Variants in CHLSN observed in about 807,000 individuals in gnomAD.
The protein encoded by CHLSN is cholesin.
At chr7:1,037,301 C>T in the CHLSN span, among the ~76,000 whole-genome samples, 3 of 136,482 alleles carry the variant, frequency 2.2e-5, no homozygotes, top group African/African-American at 5.3e-5. Flanking sequence ...AAGGAAGATG[C>T]GGAGCCGAAG....
chr7:1,095,054 G>GTGGCA, the CHLSN span, among the ~76,000 whole-genome samples: 444 of 152,304 alleles, frequency 2.9e-3, 7 homozygotes, highest in Admixed American at 0.023. Context: ...GCACAGTCCT[G>GTGGCA]CAGAACACCG....
chr7:1,083,638 C>G, the CHLSN span, among the ~76,000 whole-genome samples: 1 of 145,466 alleles, frequency 6.9e-6, no homozygotes, highest in Non-Finnish European at 1.5e-5. Context: ...AAAAAAAAAA[C>G]AAAAAAAACA....
At chr7:1,000,547 C>A in the CHLSN span, 79 of 1,604,524 alleles carry the variant, frequency 4.9e-5, no homozygotes, top group Non-Finnish European at 6.1e-5. Context: ...TGCTTTTGGG[C>A]CCATCTAGGG....
At chr7:1,009,880 G>T in the CHLSN span, 17 of 1,340,306 alleles carry the variant, frequency 1.3e-5, no homozygotes, top group Middle Eastern at 2.6e-4. Flanking sequence ...GCGAGTGAAG[G>T]CTTCGACCCC....
At chr7:1,025,365 G>T in the CHLSN span, 5 of 152,506 alleles carry the variant, frequency 3.3e-5, no homozygotes, top group African/African-American at 1.2e-4. Flanking sequence ...TAGGGCACAG[G>T]AAACTCACTG....
chr7:987,933 T>TGGGGGGGTCCCCTGTGTGTCCTG, the CHLSN span, among the ~76,000 whole-genome samples: 3 of 135,684 alleles, frequency 2.2e-5, no homozygotes, highest in African/African-American at 8.9e-5. Context: ...CTGTGTGTCC[T>TGGGGGGGTCCCCTGTGTGTCCTG]GGGGGGGTCC....
chr7:1,034,358 C>CCGT, the CHLSN span, among the ~76,000 whole-genome samples: 3 of 150,918 alleles, frequency 2.0e-5, no homozygotes, highest in African/African-American at 7.3e-5. Flanking sequence ...AATTGAGGTA[C>CCGT]ATGTTTCATG....
the CHLSN span, among the ~76,000 whole-genome samples, chr7:1,023,750 A>C: frequency 9.9e-4 from 151 of 151,912 alleles, no homozygotes; most frequent in Non-Finnish European, 1.7e-3. The surrounding 1 kb of genome is among the most constrained non-coding windows in gnomAD (Gnocchi z 5.0). Context: ...GAGGATCTCC[A>C]GGGGTGACTG....
At chr7:1,091,436 G>A in the CHLSN span, 3 of 396,966 alleles carry the variant, frequency 7.6e-6, no homozygotes, top group Non-Finnish European at 1.4e-5. Flanking sequence ...CTCCACGCGG[G>A]ACTGTGCACG....
chr7:1,042,973 C>T, the CHLSN span, among the ~76,000 whole-genome samples: 2 of 151,938 alleles, frequency 1.3e-5, no homozygotes, highest in South Asian at 2.1e-4. Context: ...AATGCATGGC[C>T]GGGCACAGTG....
At chr7:1,053,426 G>A in the CHLSN span, among the ~76,000 whole-genome samples, 3 of 152,222 alleles carry the variant, frequency 2.0e-5, no homozygotes, top group South Asian at 2.1e-4. Context: ...TCGGGCACGC[G>A]TCACGAGTCT....
the CHLSN span, chr7:983,247 G>A: frequency 6.5e-7 from 1 of 1,532,258 alleles, no homozygotes; most frequent in Non-Finnish European, 8.8e-7. Context: ...TGGGCCTCCT[G>A]GGGCTCTGGG....
chr7:1,119,950 G>T, the CHLSN span, among the ~76,000 whole-genome samples: 1 of 149,300 alleles, frequency 6.7e-6, no homozygotes, highest in Non-Finnish European at 1.5e-5. Flanking sequence ...TAGAACAAAA[G>T]AAGTTAGATC....
chr7:1,036,610 A>G, the CHLSN span, among the ~76,000 whole-genome samples: 2 of 152,144 alleles, frequency 1.3e-5, no homozygotes, highest in East Asian at 3.9e-4. Flanking sequence ...AGGAGGGTGT[A>G]CATGCAAACT....
the CHLSN span, among the ~76,000 whole-genome samples, chr7:1,118,592 G>A: frequency 1.3e-4 from 20 of 152,146 alleles, no homozygotes; most frequent in African/African-American, 3.9e-4. Context: ...AAAAATGTTC[G>A]TGGAGTAGAA....
the CHLSN span, among the ~76,000 whole-genome samples, chr7:1,033,410 T>G: frequency 1.6e-4 from 24 of 151,902 alleles, no homozygotes; most frequent in African/African-American, 5.3e-4. Context: ...ACACAAAAAT[T>G]AGCCGGGTGT....
At chr7:1,033,677 G>A in the CHLSN span, among the ~76,000 whole-genome samples, 2 of 152,156 alleles carry the variant, frequency 1.3e-5, no homozygotes, top group South Asian at 4.1e-4. Flanking sequence ...ACCCACGCGT[G>A]GTAAACACCC....
At chr7:998,726 G>A in the CHLSN span, among the ~76,000 whole-genome samples, 6 of 152,244 alleles carry the variant, frequency 3.9e-5, no homozygotes, top group East Asian at 1.9e-4. Flanking sequence ...GATTACAGGC[G>A]TGAGCCACCA....
At chr7:1,058,246 G>C in the CHLSN span, 1 of 768,066 alleles carries the variant, frequency 1.3e-6, no homozygotes, top group East Asian at 2.4e-5. Context: ...ACGCAGTTTG[G>C]GCTCTGGACG....
Sources: gnomAD v4.1 joint callset for allele counts (sites outside exome capture counted in the v4.1 genomes callset) on GRCh38, gnomAD v4.1.1 for gene constraint, Gnocchi (gnomAD v3.1) non-coding constraint, MANE v1.5 for transcripts, NCBI Gene and HGNC (gene_info 2026-07-23, HGNC 2026-07-21) for gene names.